Variants in RBBP8NL observed in about 807,000 individuals in gnomAD.
The protein encoded by RBBP8NL is RBBP8 N-terminal like, also known as RBBP8 N-terminal-like protein.
RBBP8NL carries 59 observed loss-of-function variants against 62.2 expected under a neutral mutation model. That is an observed-to-expected ratio of 0.95 (90% CI 0.77 to 1.18). RBBP8NL has a LOEUF of 1.18. Among genes scored for constraint, RBBP8NL ranks in the 50% most tolerant of loss-of-function variants. The probability of loss-of-function intolerance (pLI) is 0.00; values close to 1 mark genes in which losing one functional copy is unlikely to be tolerated. For synonymous variants in RBBP8NL, 412 were observed against 394.1 expected (o/e 1.05, Z -0.54); for missense variants, 896 against 899.5 (o/e 1.00, Z 0.05).
At chr20:62,418,862 C>T (rs1013206716) in intron 2 of RBBP8NL, among the ~76,000 whole-genome samples, 5 of 152,154 alleles carry the variant, frequency 3.3e-5, no homozygotes, top group African/African-American at 1.2e-4. Flanking sequence ...CTCTCCTTGC[C>T]GTATCTTGGG....
At position 62,414,153 on chromosome 20, in the gene RBBP8NL, C is replaced by T; in HGVS notation, c.1198G>A (p.Glu400Lys). The change falls in exon 10 of 14, where the codon GAG (glutamate) becomes AAG (lysine). Residue 400 changes from glutamate (E) to lysine (K), a missense_variant. Coordinates refer to ENST00000252998, the MANE Select transcript of RBBP8NL (RefSeq NM_080833.3). ...VGSDSEGPEN[E>K]GTRAALAAAG... ...GCGGCCAGAGCTGCCCTGGTCCCCT[C>T]ATTCTCAGGGCCCTCAGAGTCTGAG... is the stretch of plus-strand genomic sequence containing the variant. The T allele has an allele frequency of 6.2e-7, 1 of 1,607,308 alleles. No homozygotes were observed.
chr20:62,411,378 G>A (rs554331223), intron 13 of RBBP8NL, among the ~76,000 whole-genome samples: 40 of 152,342 alleles, frequency 2.6e-4, no homozygotes, highest in African/African-American at 5.3e-4. Context: ...GCGATGGTCC[G>A]GGGACGGGGA....
Position 62,414,007 on chromosome 20 carries a change from G to T in RBBP8NL, c.1344C>A (p.Gly448=). The T allele has an allele frequency of 6.3e-7, 1 of 1,576,496 alleles. No individual in the cohort carries two copies. The stretch of plus-strand genomic sequence containing the variant: ...TGGGAGTGTCCTGGCCCCGGGCCCG[G>T]CCCCACTCCGAGAGGTCCAGGGGCT... ...LDKPLDLSEW[G]RARGQDTPKP... is the part of the protein sequence containing the mutation. The change falls in exon 10 of 14, where the codon GGC becomes GGA. Residue 448 remains glycine, a synonymous_variant. Coordinates refer to ENST00000252998, the MANE Select transcript of RBBP8NL (RefSeq NM_080833.3).
chr20:62,413,623 G>A, intron 10 of RBBP8NL, 78 bp from the exon 11 acceptor site: 1 of 1,475,526 alleles, frequency 6.8e-7, no homozygotes, highest in Non-Finnish European at 9.0e-7. Flanking sequence ...ACAGCCGGTG[G>A]GACCCCTCTT....
chr20:62,422,672 A>ACGGGGC (rs1988733180), intron 1 of RBBP8NL, among the ~76,000 whole-genome samples: 25 of 59,788 alleles, frequency 4.2e-4, no homozygotes, highest in Middle Eastern at 8.9e-3. Context: ...GGGGATGGGG[A>ACGGGGC]CCGGGGTGGG....
At position 62,412,630 on chromosome 20, in the gene RBBP8NL, C is replaced by G. The variant is rs765374981; in HGVS notation, c.1870G>C (p.Asp624His). The change falls in exon 13 of 14, where the codon GAC (aspartate) becomes CAC (histidine). Residue 624 changes from aspartate (D) to histidine (H), a missense_variant. Transcript: ENST00000252998. ...TGCCCCATGCCAGCTGTACCTTTGT[C>G]CCCAGGCTCCGAGGCCCGCTTCCTC... ...RKRKRASEPGDKASKKPSRGR... is the reference protein window; with the variant it reads ...RKRKRASEPGHKASKKPSRGR... The G allele has an allele frequency of 1.9e-6, 3 of 1,604,006 alleles. No homozygotes were observed. In the African/African-American group the frequency reaches 4.0e-5, roughly 21 times the overall value.
chr20:62,415,794 C>A lies in RBBP8NL; in HGVS notation c.538G>T (p.Gly180Ter). 6.2e-7 allele frequency: 1 copy of A among 1,612,072 alleles called. No individual in the cohort carries two copies. The highest frequency in any genetic ancestry group is 8.5e-7 in the Non-Finnish European group (1 of 1,179,864). ...CACCCGGTCCCCACAGCACCTTCTC[C>A]CCGTAGGCCCACGCCCTGGTGGTCT... ...EEDHQGVGLR[G>*]EEKPAGHRTS... is the part of the protein sequence containing the mutation. Residue 180 changes from glycine (G) to a stop codon, truncating the protein, a stop_gained, in exon 7 of 14, where the codon GGA becomes TGA. Transcript: ENST00000252998. LOFTEE classifies it high-confidence loss of function.
intron 1 of RBBP8NL, among the ~76,000 whole-genome samples, chr20:62,424,905 G>T (rs1188198641): frequency 6.6e-6 from 1 of 152,170 alleles, no homozygotes; most frequent in Admixed American, 6.5e-5. Context: ...CGCTGAGCTG[G>T]CTGGGGCGGG....
chr20:62,425,972 C>A (rs902429793), intron 1 of RBBP8NL, among the ~76,000 whole-genome samples: 1 of 148,360 alleles, frequency 6.7e-6, no homozygotes, highest in Non-Finnish European at 1.5e-5. Context: ...ATAGCAGTGG[C>A]AGTGGCAGTA....
At chr20:62,411,325 C>T (rs1319308065) in intron 13 of RBBP8NL, among the ~76,000 whole-genome samples, 1 of 152,178 alleles carries the variant, frequency 6.6e-6, no homozygotes, top group Non-Finnish European at 1.5e-5. Context: ...CTCAGCAGGC[C>T]TGCCCCCGGG....
At position 62,410,930 on chromosome 20, in the gene RBBP8NL, TC is replaced by T; in HGVS notation, c.1942del (p.Asp648ThrfsTer63). 1.2e-6 allele frequency: 2 copies of T among 1,613,592 alleles called. No individual in the cohort carries two copies. The highest frequency in any genetic ancestry group is 1.7e-6 in the Non-Finnish European group (2 of 1,179,900). Reference protein sequence around the residue: ...TATEGPGSPRDAEDHSPSPNS... With the variant: ...TATEGPGSPRXAEDHSPSPNS... ...GGGGGAGGGACTGTGGTCCTCGGCGTCCCTTGGGCTCCCGGGCCCCTCAGTG... is the reference window on the plus strand; with the variant it reads ...GGGGGAGGGACTGTGGTCCTCGGCGTCCTTGGGCTCCCGGGCCCCTCAGTG... On this transcript the variant is annotated frameshift_variant, in exon 14 of 14. Coordinates refer to ENST00000252998, the MANE Select transcript of RBBP8NL (RefSeq NM_080833.3). LOFTEE classifies it low-confidence loss of function (END_TRUNC).
chr20:62,420,100 C>T (rs1988666683), intron 1 of RBBP8NL, among the ~76,000 whole-genome samples: 1 of 152,136 alleles, frequency 6.6e-6, no homozygotes, highest in Non-Finnish European at 1.5e-5. Flanking sequence ...CTTCCCCTGG[C>T]ACCTCAATGG....
chr20:62,423,705 G>C (rs535936172), intron 1 of RBBP8NL, among the ~76,000 whole-genome samples: 2 of 152,326 alleles, frequency 1.3e-5, no homozygotes, highest in African/African-American at 4.8e-5. Context: ...AGCCTCTGCT[G>C]TGCCTCCCAC....
In RBBP8NL at chr20:62,410,958, C is replaced by A. The variant is rs910313768; in HGVS notation, c.1915G>T (p.Ala639Ser). ...CTTGGGCTCCCGGGCCCCTCAGTGG[C>A]TGTCAGTTTCCTTCTCCCTCTGGAT... ...KPSRGRRKLT[A>S]TEGPGSPRDA... The change falls in exon 14 of 14, where the codon GCC (alanine) becomes TCC (serine). Residue 639 changes from alanine to serine, a missense_variant. By Grantham distance (99) the Ala-to-Ser change is moderately conservative. Transcript: ENST00000252998. The A allele has an allele frequency of 6.2e-7, 1 of 1,613,708 alleles. No homozygotes were observed. The highest frequency in any genetic ancestry group is 8.5e-7 in the Non-Finnish European group (1 of 1,179,862).
At position 62,413,844 on chromosome 20, in the gene RBBP8NL, G is replaced by A. The variant is rs746420402; in HGVS notation, c.1507C>T (p.Gln503Ter). Reference sequence around the variant, plus strand: ...ACCATGGGAGTGGAAGCCTCCTCCTGCTCTGGCACTCTGGTCCCCTTGGTG... The same window carrying A: ...ACCATGGGAGTGGAAGCCTCCTCCTACTCTGGCACTCTGGTCCCCTTGGTG... ...NGTKGTRVPE[Q>*]EEASTPMDPS... The change falls in exon 10 of 14, where the codon CAG becomes TAG. Residue 503 changes from glutamine (Q) to a stop codon, truncating the protein, a stop_gained. Coordinates refer to ENST00000252998, the MANE Select transcript of RBBP8NL (RefSeq NM_080833.3). LOFTEE classifies it high-confidence loss of function. 6.3e-7 allele frequency: 1 copy of A among 1,597,562 alleles called. No homozygotes were observed. Among genetic ancestry groups the A allele is most frequent in the South Asian group, 1.1e-5 (1 of 88,418 alleles).
In RBBP8NL at chr20:62,413,521, A is replaced by C. The variant is rs1988484220; in HGVS notation, c.1555T>G (p.Ser519Ala). ...PMDPSRPLPG[S>A]QLSLSSPGST... Reference sequence around the variant, plus strand: ...CCTGGAGAGGACAGGCTGAGCTGGGACCCTGGAAGTGGGCGTGAGGGGTCC... The same window carrying C: ...CCTGGAGAGGACAGGCTGAGCTGGGCCCCTGGAAGTGGGCGTGAGGGGTCC... The change falls in exon 11 of 14, where the codon TCC (serine) becomes GCC (alanine). Residue 519 changes from serine (S) to alanine (A), a missense_variant. Physicochemically the swap from Ser to Ala is moderately conservative, Grantham distance 99. Coordinates refer to ENST00000252998, the MANE Select transcript of RBBP8NL (RefSeq NM_080833.3). 7 of 1,521,030 alleles carry C rather than the reference A, an allele frequency of 4.6e-6. No individual in the cohort carries two copies. The East Asian group carries it at 1.5e-4, about 32-fold the overall frequency. The allele number at this position is 1,521,030 out of a possible 1,614,324, so 94.2% of individuals were successfully genotyped here. A position where few individuals can be genotyped will look rare whatever the true frequency, so the allele number is the denominator to read the frequency against.
intron 1 of RBBP8NL, among the ~76,000 whole-genome samples, chr20:62,426,031 G>A (rs1368434722): frequency 6.6e-6 from 1 of 151,268 alleles, no homozygotes; most frequent in Non-Finnish European, 1.5e-5. Flanking sequence ...AGTGGCATTA[G>A]CAGTGGCAGT....
chr20:62,414,045 A>G lies in RBBP8NL; in HGVS notation c.1306T>C (p.Cys436Arg), dbSNP rs1276311684. The change falls in exon 10 of 14, where the codon TGT becomes CGT. Residue 436 changes from cysteine to arginine, a missense_variant. Cys to Arg is a radical substitution (Grantham distance 180). Transcript: ENST00000252998. ...QRTEAAATQD[C>R]ALDKPLDLSE... ...AGGTCCAGGGGCTTGTCTAGGGCAC[A>G]GTCCTGCGTGGCTGCAGCCTCTGTC... The G allele has an allele frequency of 6.3e-7, 1 of 1,592,302 alleles. No homozygotes were observed. The highest frequency in any genetic ancestry group is 1.7e-5 in the Admixed American group (1 of 57,744).
chr20:62,418,499 C>T, intron 2 of RBBP8NL, 34 bp from the exon 3 acceptor site: 3 of 1,538,744 alleles, frequency 1.9e-6, no homozygotes, highest in Non-Finnish European at 2.6e-6. Context: ...GGGGGTCAGG[C>T]CCAGCTGCTG....
Sources: allele counts gnomAD v4.1 joint callset (sites outside exome capture counted in the v4.1 genomes callset), GRCh38; gene constraint gnomAD v4.1.1; transcripts MANE v1.5; gene names NCBI Gene and HGNC (gene_info 2026-07-23, HGNC 2026-07-21).